Variants in GPR158 observed in about 807,000 individuals in gnomAD.
The protein encoded by GPR158 is G protein-coupled receptor 158, also known as metabotropic glycine receptor.
A neutral mutation model predicts 78.2 loss-of-function variants in GPR158; 30 were observed. That is an observed-to-expected ratio of 0.38 (90% CI 0.29 to 0.52). The LOEUF (loss-of-function observed/expected upper bound fraction) is 0.52, where lower values mean the gene tolerates loss of function less well. Among genes scored for constraint, GPR158 ranks in the 20% least tolerant of loss-of-function variants. The probability of loss-of-function intolerance (pLI) is 0.83; values close to 1 mark genes in which losing one functional copy is unlikely to be tolerated. For missense variants in GPR158, 1,463 were observed against 1,523.5 expected, an observed-to-expected ratio of 0.96 and a Z score of 0.66; for synonymous variants, 581 against 591.1, an observed-to-expected ratio of 0.98 and a Z score of 0.25.
intron 1 of GPR158, among the ~76,000 whole-genome samples, chr10:25,205,409 T>G (rs567882715): frequency 2.6e-4 from 40 of 152,154 alleles, no homozygotes; most frequent in African/African-American, 9.1e-4. Context: ...ATTTTGGTTA[T>G]TCCTTGTCTT....
chr10:25,469,988 C>A (rs1466538420), intron 5 of GPR158, among the ~76,000 whole-genome samples: 1 of 151,912 alleles, frequency 6.6e-6, no homozygotes, highest in African/African-American at 2.4e-5. Context: ...ATTAGACTGA[C>A]TATGTCACTC....
At chr10:25,203,339 C>T (rs1032038786) in intron 1 of GPR158, among the ~76,000 whole-genome samples, 1 of 152,168 alleles carries the variant, frequency 6.6e-6, no homozygotes, top group Non-Finnish European at 1.5e-5. Context: ...ATGCCTATTT[C>T]CTGAATGGCA....
At chr10:25,233,172 A>G (rs1171435044) in intron 2 of GPR158, among the ~76,000 whole-genome samples, 1 of 152,196 alleles carries the variant, frequency 6.6e-6, no homozygotes, top group Non-Finnish European at 1.5e-5. Context: ...CCAGAAAGGA[A>G]TATCTTTATT....
chr10:25,315,099 T>C (rs1327926099), intron 2 of GPR158, among the ~76,000 whole-genome samples: 1 of 152,038 alleles, frequency 6.6e-6, no homozygotes, highest in Non-Finnish European at 1.5e-5. Context: ...GAAAGTGAGT[T>C]ATATAGCTCA....
chr10:25,349,602 A>G (rs1855425129), intron 2 of GPR158, among the ~76,000 whole-genome samples: 1 of 146,390 alleles, frequency 6.8e-6, no homozygotes, highest in South Asian at 2.1e-4. Flanking sequence ...ATGGCAAGAC[A>G]TGTTTGCTTC....
chr10:25,197,653 C>T (rs895760621), intron 1 of GPR158, among the ~76,000 whole-genome samples: 1 of 152,168 alleles, frequency 6.6e-6, no homozygotes, highest in African/African-American at 2.4e-5. Flanking sequence ...AGGCAGATTA[C>T]AGTGTTCACA....
chr10:25,507,190 C>G (rs1460260774), intron 5 of GPR158, among the ~76,000 whole-genome samples: 1 of 152,052 alleles, frequency 6.6e-6, no homozygotes, highest in African/African-American at 2.4e-5. Flanking sequence ...TCATGCAGCT[C>G]CCAAGAAAAA....
At chr10:25,362,715 T>C (rs1855658894) in intron 2 of GPR158, among the ~76,000 whole-genome samples, 1 of 151,900 alleles carries the variant, frequency 6.6e-6, no homozygotes, top group African/African-American at 2.4e-5. Flanking sequence ...TGCTAGTATA[T>C]AGAATTTTCT....
At chr10:25,545,811 T>C (rs1836654896) in intron 5 of GPR158, among the ~76,000 whole-genome samples, 1 of 152,146 alleles carries the variant, frequency 6.6e-6, no homozygotes, top group South Asian at 2.1e-4. Context: ...CCCTTCCACA[T>C]CATGTACTGA....
At chr10:25,390,829 G>A (rs2130521037) in intron 2 of GPR158, among the ~76,000 whole-genome samples, 1 of 152,334 alleles carries the variant, frequency 6.6e-6, no homozygotes, top group South Asian at 2.1e-4. Flanking sequence ...AGACAATGGT[G>A]AAAAATGTCT....
At chr10:25,453,125 G>A (rs1212998477) in intron 4 of GPR158, among the ~76,000 whole-genome samples, 5 of 152,096 alleles carry the variant, frequency 3.3e-5, no homozygotes, top group South Asian at 2.1e-4. Context: ...CCATGTATCC[G>A]TGGATAGACT....
chr10:25,304,067 A>G (rs1460656253), intron 2 of GPR158, among the ~76,000 whole-genome samples: 1 of 151,578 alleles, frequency 6.6e-6, no homozygotes, highest in Non-Finnish European at 1.5e-5. Flanking sequence ...ATTCATGTTT[A>G]TTCTTTATAA....
Position 25,558,581 on chromosome 10 carries a change from T to C in GPR158, c.1514+7496T>C, listed in dbSNP as rs150270168. Among the ~76,000 whole-genome samples the C allele has an allele frequency of 1.7e-3, 264 of 152,254 alleles. 12 individuals carry two copies. The South Asian group carries it at 0.049, about 28-fold the overall frequency. ...CCAGAGTCAGGGTCTTGGCTTGTTT[T>C]TGGACGGCTGCACCCATGATTTCTG... is the stretch of plus-strand genomic sequence containing the variant. On this transcript the variant is annotated intron_variant, in intron 6 of 10. Transcript: ENST00000376351.
chr10:25,437,917 G>A (rs1373772059), intron 4 of GPR158, among the ~76,000 whole-genome samples: 1 of 152,182 alleles, frequency 6.6e-6, no homozygotes, highest in African/African-American at 2.4e-5. Flanking sequence ...TTTATAAATT[G>A]TTAGCAAAAG....
intron 5 of GPR158, among the ~76,000 whole-genome samples, chr10:25,490,884 T>C (rs1274451958): frequency 2.6e-5 from 4 of 152,154 alleles, no homozygotes; most frequent in African/African-American, 9.7e-5. Context: ...ATACACAAAA[T>C]AATACGCAAC....
intron 2 of GPR158, among the ~76,000 whole-genome samples, chr10:25,363,888 T>C (rs1855678320): frequency 6.6e-6 from 1 of 151,880 alleles, no homozygotes. Context: ...TGAACTAGAT[T>C]GGTCTGGTAT....
intron 2 of GPR158, among the ~76,000 whole-genome samples, chr10:25,333,227 A>G (rs1855153282): frequency 6.6e-6 from 1 of 152,178 alleles, no homozygotes; most frequent in Non-Finnish European, 1.5e-5. Flanking sequence ...CTTAGTATCC[A>G]AAAGGAATGG....
chr10:25,433,707 T>TTTC (rs1422464472), intron 4 of GPR158, among the ~76,000 whole-genome samples: 1 of 146,556 alleles, frequency 6.8e-6, no homozygotes, highest in Non-Finnish European at 1.5e-5. Flanking sequence ...TTTTTTTTTT[T>TTTC]TTTTGGTACA....
In GPR158 at chr10:25,366,812, T is replaced by A. The variant is rs957524424; in HGVS notation, c.1009-29099T>A. On this transcript the variant is annotated intron_variant, in intron 2 of 10. Transcript: ENST00000376351. ...ACTTTTAGATTGTGTATTGATTAAA[T>A]TTTTTTTGATGATTATGAGGTTGAA... Among the ~76,000 whole-genome samples the A allele has an allele frequency of 9.5e-5, 14 of 146,666 alleles. No homozygotes were observed. The South Asian group carries it at 3.1e-3, about 32-fold the overall frequency.
Sources: gnomAD v4.1 joint callset for allele counts (sites outside exome capture counted in the v4.1 genomes callset) on GRCh38, gnomAD v4.1.1 for gene constraint, MANE v1.5 for transcripts, NCBI Gene and HGNC (gene_info 2026-07-23, HGNC 2026-07-21) for gene names.